The following CUX2 variants were observed in gnomAD, a reference collection of about 807,000 sequenced individuals.
CUX2 encodes the protein cut like homeobox 2, also known as homeobox protein cut-like 2.
Under a neutral mutation model 144.8 loss-of-function variants are expected in CUX2, and 40 were observed. That is an observed-to-expected ratio of 0.28 (90% confidence interval 0.21 to 0.36). The LOEUF (loss-of-function observed/expected upper bound fraction) is 0.36, where lower values mean the gene tolerates loss of function less well. Among genes scored for constraint, CUX2 ranks in the 10% least tolerant of loss-of-function variants. The pLI, the probability that CUX2 is intolerant of heterozygous loss-of-function variation, is 1.00. For synonymous variants in CUX2, 827 were observed against 875.6 expected (o/e 0.94, Z 0.98); for missense variants, 1,615 against 1,994.0 (o/e 0.81, Z 3.62).
chr12:111,280,030 T>A (rs368208410), intron 4 of CUX2, among the ~76,000 whole-genome samples: 1 of 151,800 alleles, frequency 6.6e-6, no homozygotes, highest in South Asian at 2.1e-4. Flanking sequence ...GTGCCTATAA[T>A]CCCAGCACTT....
At chr12:111,264,606 G>A (rs1884289642) in intron 4 of CUX2, among the ~76,000 whole-genome samples, 1 of 152,170 alleles carries the variant, frequency 6.6e-6, no homozygotes, top group Non-Finnish European at 1.5e-5. Flanking sequence ...TTAGCCAGGT[G>A]TGGTGGTGGG....
rs913861008 is a variant in CUX2 at position 111,035,535 on chromosome 12, G to A, written c.63+1295G>A. Among the ~76,000 whole-genome samples, 18 of 152,206 alleles carry A rather than the reference G, an allele frequency of 1.2e-4. No individual in the cohort carries two copies. The highest frequency in any genetic ancestry group is 5.2e-4 in the Admixed American group (8 of 15,292). On this transcript the variant is annotated intron_variant, in intron 1 of 21. Transcript: ENST00000261726. This position sits in a 1 kb window ranked among gnomAD's most constrained non-coding sequence, Gnocchi z 6.0. ...GCGGGAAAATGGTGCGGATAACAGG[G>A]CGGTTAGAGCATCCTGCCTTGACCG...
intron 9 of CUX2, among the ~76,000 whole-genome samples, chr12:111,299,724 T>C (rs1042092504): frequency 6.6e-6 from 1 of 152,198 alleles, no homozygotes; most frequent in African/African-American, 2.4e-5. Context: ...AGGTAATGCA[T>C]TCATGTAGTT....
At chr12:111,231,245 T>G (rs1301419501) in intron 3 of CUX2, among the ~76,000 whole-genome samples, 1 of 152,022 alleles carries the variant, frequency 6.6e-6, no homozygotes, top group Non-Finnish European at 1.5e-5. Flanking sequence ...CATTCTACCT[T>G]CTGTCCCTAT....
At chr12:111,151,760 G>A (rs927979119) in intron 1 of CUX2, among the ~76,000 whole-genome samples, 1 of 152,112 alleles carries the variant, frequency 6.6e-6, no homozygotes, top group African/African-American at 2.4e-5. Flanking sequence ...TGTCTGGGAG[G>A]CTCCTGAGGG....
intron 1 of CUX2, among the ~76,000 whole-genome samples, chr12:111,155,923 TA>T (rs61020614): frequency 0.3 from 43,711 of 144,388 alleles, 9,103 homozygotes; most frequent in African/African-American, 0.6. Context: ...GCTTAAAAAA[TA>T]AAAAAAAAAA....
At chr12:111,080,718 T>G (rs1871839473) in intron 1 of CUX2, among the ~76,000 whole-genome samples, 1 of 152,148 alleles carries the variant, frequency 6.6e-6, no homozygotes, top group Non-Finnish European at 1.5e-5. Flanking sequence ...TTTTTGTGTG[T>G]TTTGCTTACT....
At chr12:111,276,640 TTTG>T (rs1292551398) in intron 4 of CUX2, among the ~76,000 whole-genome samples, 2 of 147,878 alleles carry the variant, frequency 1.4e-5, no homozygotes, top group African/African-American at 5.3e-5. Context: ...TGTTTGTTTG[TTTG>T]TTTGTTTTGT....
intron 3 of CUX2, among the ~76,000 whole-genome samples, chr12:111,237,545 A>G (rs1281724749): frequency 6.6e-6 from 1 of 152,330 alleles, no homozygotes; most frequent in East Asian, 1.9e-4. Flanking sequence ...TAACTCAGGC[A>G]TCACAGAATC....
At chr12:111,333,344 A>G (rs1371398968) in intron 18 of CUX2, among the ~76,000 whole-genome samples, 1 of 152,196 alleles carries the variant, frequency 6.6e-6, no homozygotes, top group Non-Finnish European at 1.5e-5. Flanking sequence ...TCACCAAGCC[A>G]CTGCACTCCA....
chr12:111,342,558 T>G (rs776325997), intron 21 of CUX2, among the ~76,000 whole-genome samples: 1 of 152,114 alleles, frequency 6.6e-6, no homozygotes, highest in Non-Finnish European at 1.5e-5. Context: ...CCTTCTTCAC[T>G]TCCCTGAGCC....
In CUX2 at chr12:111,320,664, C is replaced by T. The variant is rs749351102; in HGVS notation, c.2655C>T (p.Pro885=). The change falls in exon 17 of 22, where the codon CCC becomes CCT. Residue 885 remains proline (P), a synonymous_variant. Transcript: ENST00000261726. The surrounding 1 kb of genome is among the most constrained non-coding windows in gnomAD (Gnocchi z 8.1). The part of the protein sequence containing the change: ...TLKPTVPPLT[P]EQYELYMYRE... ...AGCCCACCGTGCCGCCGCTGACCCC[C>T]GAGCAGTACGAGCTGTACATGTACC... 2.5e-6 allele frequency: 4 copies of T among 1,597,150 alleles called. No homozygotes were observed. Among genetic ancestry groups the T allele is most frequent in the African/African-American group, 1.3e-5 (1 of 74,944 alleles).
At position 111,345,905 on chromosome 12, in the gene CUX2, T is replaced by C. The variant is rs1592993393; in HGVS notation, c.3660-1619T>C. ...CTGGTGGATTGCTTGAGGTCAGGAG[T>C]TCAAAACCAGCCTGACCAACATGGT... On this transcript the variant is annotated intron_variant, in intron 21 of 21. Coordinates refer to ENST00000261726, the MANE Select transcript of CUX2 (RefSeq NM_015267.4). 2.9e-5 allele frequency among the ~76,000 whole-genome samples: 4 copies of C among 137,608 alleles called. No homozygotes were observed. In the South Asian group the frequency reaches 9.3e-4, roughly 32 times the overall value. 90.3% of individuals were successfully genotyped at this position (137,608 alleles called of 152,430 possible). A position where few individuals can be genotyped will look rare whatever the true frequency, so the allele number is the denominator to read the frequency against.
At chr12:111,216,939 C>G (rs534387269) in intron 2 of CUX2, among the ~76,000 whole-genome samples, 3 of 152,332 alleles carry the variant, frequency 2.0e-5, no homozygotes, top group African/African-American at 7.2e-5. Context: ...AACCCCTCCC[C>G]ACCCTATCTA....
intron 1 of CUX2, among the ~76,000 whole-genome samples, chr12:111,158,413 G>T (rs1029507295): frequency 1.3e-5 from 2 of 148,938 alleles, no homozygotes; most frequent in African/African-American, 5.0e-5. Flanking sequence ...TTTGAGGTCA[G>T]CCTGGGCAAC....
In CUX2 at chr12:111,293,592, G is replaced by C. The variant is rs1463321415; in HGVS notation, c.560+23G>C. ...AAAGTGAGGAAGGGAAGGTGGGTGG[G>C]AGGGAGGAAGGAATGGGCAGGGCTC... On this transcript the variant is annotated intron_variant, in intron 6 of 21. Transcript: ENST00000261726. The surrounding 1 kb of genome is among the most constrained non-coding windows in gnomAD (Gnocchi z 4.5). 5 of 1,558,254 alleles carry C rather than the reference G, an allele frequency of 3.2e-6. No homozygotes were observed. Among genetic ancestry groups the C allele is most frequent in the Non-Finnish European group, 4.3e-6 (5 of 1,150,898 alleles).
chr12:111,243,410 C>T (rs955433250), intron 3 of CUX2, among the ~76,000 whole-genome samples: 1 of 151,530 alleles, frequency 6.6e-6, no homozygotes, highest in Non-Finnish European at 1.5e-5. Flanking sequence ...ACCCAGTGTC[C>T]CTGGTTAGCC....
chr12:111,125,481 G>T (rs1409295482), intron 1 of CUX2, among the ~76,000 whole-genome samples: 1 of 152,122 alleles, frequency 6.6e-6, no homozygotes, highest in African/African-American at 2.4e-5. Context: ...GCCCGGCCTG[G>T]ATATTTCATA....
chr12:111,338,610 A>T (rs1400913060), intron 20 of CUX2, 136 bp downstream of exon 20: 8 of 718,660 alleles, frequency 1.1e-5, no homozygotes. Flanking sequence ...TGAAATAGCA[A>T]CCTTGAAAAA....
Sources: gnomAD v4.1 joint callset for allele counts (sites outside exome capture counted in the v4.1 genomes callset) on GRCh38, gnomAD v4.1.1 for gene constraint, Gnocchi (gnomAD v3.1) non-coding constraint, MANE v1.5 for transcripts, NCBI Gene and HGNC (gene_info 2026-07-23, HGNC 2026-07-21) for gene names.